Variants in MUC17 observed in about 807,000 individuals in gnomAD.
The protein encoded by MUC17 is mucin 17, cell surface associated, also known as mucin-17.
A neutral mutation model predicts 170.3 loss-of-function variants in MUC17; 190 were observed. The observed-to-expected ratio is 1.12, with a 90% CI of 0.99 to 1.26. MUC17 has a LOEUF of 1.26. MUC17 is among the 50% of genes most tolerant of loss of function. The pLI is 0.00. For missense variants in MUC17, 6,415 were observed against 5,530.0 expected (o/e 1.16, Z -5.08); for synonymous variants, 2,325 against 2,002.5 (o/e 1.16, Z -4.30).
rs1377185295 is a variant in MUC17 at position 101,039,558 on chromosome 7, A to T, written c.8142A>T (p.Thr2714=). The T allele has an allele frequency of 1.9e-6, 3 of 1,612,440 alleles. No homozygotes were observed. The highest frequency in any genetic ancestry group is 1.7e-6 in the Non-Finnish European group (2 of 1,179,068). ...ATTCTGAGGCTAGCACCCTTTCAAC[A>T]ACTCCTGTTGACACCAGCACACCTG... The part of the protein sequence containing the change: ...LANSEASTLS[T]TPVDTSTPVT... The change falls in exon 3 of 13, where the codon ACA becomes ACT. Residue 2714 remains threonine (T), a synonymous_variant. Transcript: ENST00000306151.
chr7:101,054,072 A>G (rs1216777446), intron 11 of MUC17, among the ~76,000 whole-genome samples: 2 of 145,438 alleles, frequency 1.4e-5, no homozygotes, highest in African/African-American at 5.2e-5. Flanking sequence ...AAAAAAAAAA[A>G]AAAAAAAAAA....
chr7:101,036,206 C>G lies in MUC17; in HGVS notation c.4790C>G (p.Pro1597Arg). Residue 1597 changes from proline (P) to arginine (R), a missense_variant, in exon 3 of 13, where the codon CCT becomes CGT. Transcript: ENST00000306151. ...GAGGCTAACACCCTTTCAACAACCC[C>G]TATTGACTCCAAAACTCAGGTGACC... ...SSEANTLSTT[P>R]IDSKTQVTAS... is the part of the protein sequence containing the mutation. The G allele has an allele frequency of 6.2e-7, 1 of 1,614,086 alleles. No individual in the cohort carries two copies.
intron 11 of MUC17, among the ~76,000 whole-genome samples, chr7:101,055,452 A>G (rs1795029285): frequency 6.6e-6 from 1 of 152,234 alleles, no homozygotes; most frequent in East Asian, 1.9e-4. Context: ...AATGATCAAT[A>G]TTAGGAAATG....
chr7:101,048,948 G>A lies in MUC17; in HGVS notation c.12639G>A (p.Glu4213=), dbSNP rs148758391. The A allele has an allele frequency of 1.1e-5, 18 of 1,614,076 alleles. No homozygotes were observed. In the African/African-American group the frequency reaches 1.9e-4, roughly 17 times the overall value. ...LKNHSSQEFQ[E]FKQTFTEQMN... ...ACCACTCTTCCCAGGAATTCCAGGA[G>A]TTCAAACAGACATTCACGGAACAGG... is the stretch of plus-strand genomic sequence containing the variant. Residue 4213 remains glutamate (E), a synonymous_variant, in exon 5 of 13, where the codon GAG becomes GAA. Coordinates refer to ENST00000306151, the MANE Select transcript of MUC17 (RefSeq NM_001040105.2).
At position 101,032,294 on chromosome 7, in the gene MUC17, G is replaced by A. The variant is rs370578064; in HGVS notation, c.878G>A (p.Ser293Asn). ...SVMLVVSSEASTLSTTPAATN... is the reference protein window; with the variant it reads ...SVMLVVSSEANTLSTTPAATN... ...ATGCTGGTGGTCAGTTCTGAGGCTA[G>A]CACCCTTTCAACAACTCCTGCTGCC... Residue 293 changes from serine to asparagine, a missense_variant, in exon 3 of 13, where the codon AGC (serine) becomes AAC (asparagine). Coordinates refer to ENST00000306151, the MANE Select transcript of MUC17 (RefSeq NM_001040105.2). 6.2e-7 allele frequency: 1 copy of A among 1,613,698 alleles called. No individual in the cohort carries two copies.
chr7:101,039,921 T>C lies in MUC17; in HGVS notation c.8505T>C (p.Val2835=). The C allele has an allele frequency of 6.2e-7, 1 of 1,613,660 alleles. No individual in the cohort carries two copies. Among genetic ancestry groups the C allele is most frequent in the South Asian group, 1.1e-5 (1 of 91,068 alleles). Residue 2835 remains valine, a synonymous_variant, in exon 3 of 13, where the codon GTT becomes GTC. Transcript: ENST00000306151. ...CTGGCACCCTTTCAACAACTCCTGTTGACACCAGCACACCTGTGACCACTT... is the reference window on the plus strand; with the variant it reads ...CTGGCACCCTTTCAACAACTCCTGTCGACACCAGCACACCTGTGACCACTT... ...SEAGTLSTTP[V]DTSTPVTTST...
Position 101,038,933 on chromosome 7 carries a change from C to T in MUC17, c.7517C>T (p.Pro2506Leu), listed in dbSNP as rs1002668704. The change falls in exon 3 of 13, where the codon CCA (proline) becomes CTA (leucine). Residue 2506 changes from proline to leucine, a missense_variant. Pro to Leu is a moderately conservative substitution (Grantham distance 98). Coordinates refer to ENST00000306151, the MANE Select transcript of MUC17 (RefSeq NM_001040105.2). Reference sequence around the variant, plus strand: ...ACAACTGCTGAAGATATCGTCGTGCCAATCTCAACTGCTAGTGAAGGAAGT... The same window carrying T: ...ACAACTGCTGAAGATATCGTCGTGCTAATCTCAACTGCTAGTGAAGGAAGT... ...SPTTAEDIVV[P>L]ISTASEGSTL... is the part of the protein sequence containing the mutation. The T allele has an allele frequency of 6.2e-7, 1 of 1,613,934 alleles. No individual in the cohort carries two copies. The highest frequency in any genetic ancestry group is 1.3e-5 in the African/African-American group (1 of 74,878).
At chr7:101,054,926 G>A (rs756229743) in intron 11 of MUC17, among the ~76,000 whole-genome samples, 5 of 152,268 alleles carry the variant, frequency 3.3e-5, no homozygotes, top group Admixed American at 1.3e-4. Flanking sequence ...TGGCCAACAC[G>A]GTGAAACCCC....
Position 101,036,209 on chromosome 7 carries a change from T to C in MUC17, c.4793T>C (p.Ile1598Thr). The C allele has an allele frequency of 2.5e-6, 4 of 1,614,020 alleles. No individual in the cohort carries two copies. Among genetic ancestry groups the C allele is most frequent in the Non-Finnish European group, 3.4e-6 (4 of 1,179,992 alleles). Residue 1598 changes from isoleucine (I) to threonine (T), a missense_variant, in exon 3 of 13, where the codon ATT becomes ACT. Transcript: ENST00000306151. ...GCTAACACCCTTTCAACAACCCCTATTGACTCCAAAACTCAGGTGACCGCT... is the reference window on the plus strand; with the variant it reads ...GCTAACACCCTTTCAACAACCCCTACTGACTCCAAAACTCAGGTGACCGCT... ...SEANTLSTTP[I>T]DSKTQVTAST...
At chr7:101,045,828 C>T (rs986701589) in intron 3 of MUC17, among the ~76,000 whole-genome samples, 4 of 152,180 alleles carry the variant, frequency 2.6e-5, no homozygotes, top group African/African-American at 7.2e-5. Flanking sequence ...CAGGAAGCCT[C>T]GTAGGTGTCT....
chr7:101,022,707 C>G (rs952298666), intron 1 of MUC17, among the ~76,000 whole-genome samples: 7 of 152,080 alleles, frequency 4.6e-5, no homozygotes, highest in Admixed American at 2.0e-4. Context: ...TCCCACCTAC[C>G]TGGGAGGCTG....
rs188929101 is a variant in MUC17, at chr7:101,042,313, G to T, written c.10897G>T (p.Val3633Leu). Residue 3633 changes from valine to leucine, a missense_variant, in exon 3 of 13, where the codon GTA becomes TTA. Val to Leu is a conservative substitution (Grantham distance 32). Transcript: ENST00000306151. ...CCTGCCAATGTCAACTCCTAGTGAAGTAAGCACTCCATTAACCATTATGCC... is the reference window on the plus strand; with the variant it reads ...CCTGCCAATGTCAACTCCTAGTGAATTAAGCACTCCATTAACCATTATGCC... ...ITLPMSTPSE[V>L]STPLTIMPVS... 4 of 1,613,982 alleles carry T rather than the reference G, an allele frequency of 2.5e-6. No homozygotes were observed. The highest frequency in any genetic ancestry group is 1.1e-5 in the South Asian group (1 of 91,072).
At chr7:101,046,933 G>A (rs961729813) in intron 3 of MUC17, among the ~76,000 whole-genome samples, 3 of 151,658 alleles carry the variant, frequency 2.0e-5, no homozygotes, top group African/African-American at 7.3e-5. Flanking sequence ...CAAAAAATTA[G>A]CTGGGCGTGG....
In MUC17 at chr7:101,036,528, C is replaced by T. The variant is rs4992074; in HGVS notation, c.5112C>T (p.Ser1704=). 215,107 of 1,611,978 alleles carry T rather than the reference C, an allele frequency of 0.13. 17,616 individuals are homozygous for T. The highest frequency in any genetic ancestry group is 0.31 in the African/African-American group (23,229 of 74,542). Residue 1704 remains serine (S), a synonymous_variant, in exon 3 of 13, where the codon AGC becomes AGT. Transcript: ENST00000306151. ...SITVRTTPVA[S]SAISTLSTTP... ...CTGTCAGAACAACACCGGTGGCCAGCTCTGCAATCAGCACCCTTTCAACAA... is the reference window on the plus strand; with the variant it reads ...CTGTCAGAACAACACCGGTGGCCAGTTCTGCAATCAGCACCCTTTCAACAA...
At chr7:101,048,696 TA>T in intron 4 of MUC17, 148 bp from the exon 5 acceptor site, 2 of 676,458 alleles carry the variant, frequency 3.0e-6, no homozygotes, top group Non-Finnish European at 4.9e-6. Flanking sequence ...GAAAAGGAAA[TA>T]AAACAAGAAG....
chr7:101,052,907 C>A, intron 9 of MUC17, 79 bp from the exon 10 acceptor site: 1 of 1,507,058 alleles, frequency 6.6e-7, no homozygotes, highest in Non-Finnish European at 8.9e-7. Context: ...CATTAAACAC[C>A]CACTGGGCAG....
rs929422482 is a variant in MUC17, at chr7:101,042,469, C to A, written c.11053C>A (p.Pro3685Thr). 1 of 1,613,732 alleles carries A rather than the reference C, an allele frequency of 6.2e-7. No individual in the cohort carries two copies. Among genetic ancestry groups the A allele is most frequent in the African/African-American group, 1.3e-5 (1 of 74,812 alleles). The change falls in exon 3 of 13, where the codon CCA becomes ACA. Residue 3685 changes from proline (P) to threonine (T), a missense_variant. Transcript: ENST00000306151. ...SPVTPEGTTM[P>T]IWTPSEGSTP... Reference sequence around the variant, plus strand: ...TGTGACTCCTGAAGGTACCACCATGCCAATCTGGACGCCTAGTGAAGGAAG... The same window carrying A: ...TGTGACTCCTGAAGGTACCACCATGACAATCTGGACGCCTAGTGAAGGAAG...
At chr7:101,021,829 T>A (rs1794094923) in intron 1 of MUC17, among the ~76,000 whole-genome samples, 1 of 152,160 alleles carries the variant, frequency 6.6e-6, no homozygotes, top group African/African-American at 2.4e-5. Flanking sequence ...GCTGAAGTCA[T>A]GGGGCTGGGG....
Position 101,025,794 on chromosome 7 carries a change from C to CAA in MUC17, c.83-5310_83-5309dup, listed in dbSNP as rs35636191. ...GGGTGACAGAGCGAGATCTCTCTCT[C>CAA]AAAAAAAAAAAAAAAAAGCTGGGCA... On this transcript the variant is annotated intron_variant, in intron 1 of 12. Coordinates refer to ENST00000306151, the MANE Select transcript of MUC17 (RefSeq NM_001040105.2). Among the ~76,000 whole-genome samples the CAA allele has an allele frequency of 2.7e-3, 259 of 96,208 alleles. 3 individuals carry two copies. The East Asian group carries it at 0.032, about 12-fold the overall frequency. 63.1% of individuals were successfully genotyped at this position (96,208 alleles called of 152,430 possible).
Sources: gnomAD v4.1 joint callset for allele counts (sites outside exome capture counted in the v4.1 genomes callset) on GRCh38, gnomAD v4.1.1 for gene constraint, MANE v1.5 for transcripts, NCBI Gene and HGNC (gene_info 2026-07-23, HGNC 2026-07-21) for gene names.